Variants in LIMS2 observed in about 807,000 individuals in gnomAD.
LIMS2 encodes the protein LIM and senescent cell antigen-like-containing domain protein 2.
A neutral mutation model predicts 45.3 loss-of-function variants in LIMS2; 30 were observed. The ratio of observed to expected loss-of-function variants is 0.66; its 90% CI spans 0.50 to 0.90. The LOEUF (loss-of-function observed/expected upper bound fraction) is 0.90. LIMS2 is among the 40% of genes least tolerant of loss of function. LIMS2 has a pLI of 0.00. For synonymous variants in LIMS2, 173 were observed against 188.0 expected (o/e 0.92, Z 0.65); for missense variants, 485 against 468.7 (o/e 1.03, Z -0.32).
chr2:127,652,569 A>G (rs895185382), intron 4 of LIMS2: 1 of 166,736 alleles, frequency 6.0e-6, no homozygotes, highest in Non-Finnish European at 1.5e-5. Context: ...TAGTGTGCAG[A>G]TATTTCCCTA....
Position 127,664,515 on chromosome 2 carries a change from T to TC in LIMS2, c.12-6954dup. 1 of 1,152,392 alleles carries TC rather than the reference T, an allele frequency of 8.7e-7. No homozygotes were observed. Among genetic ancestry groups the TC allele is most frequent in the Non-Finnish European group, 1.1e-6 (1 of 937,508 alleles). The allele number at this position is 1,152,392 out of a possible 1,614,324, so 71.4% of individuals were successfully genotyped here. A position where few individuals can be genotyped will look rare whatever the true frequency, so the allele number is the denominator to read the frequency against. The stretch of plus-strand genomic sequence containing the variant: ...AAGACGGGACGGGCGTGTGGGCGCC[T>TC]CCCCCGCGCTGGTCGCGAGCTCACG... On this transcript the variant is annotated intron_variant, in intron 1 of 9. Coordinates refer to ENST00000355119, the MANE Select transcript of LIMS2 (RefSeq NM_001161403.3). This position sits in a 1 kb window ranked among gnomAD's most constrained non-coding sequence, Gnocchi z 5.5.
chr2:127,675,799 C>T (rs1238424894), upstream of LIMS2, among the ~76,000 whole-genome samples: 3 of 152,246 alleles, frequency 2.0e-5, no homozygotes, highest in Admixed American at 2.0e-4. Flanking sequence ...GCCGAGTCCA[C>T]GCAGTCCCGC....
At chr2:127,645,316 T>G (rs1466835675) in intron 4 of LIMS2, among the ~76,000 whole-genome samples, 1 of 152,198 alleles carries the variant, frequency 6.6e-6, no homozygotes, top group Non-Finnish European at 1.5e-5. Context: ...AACAACAAAA[T>G]GTAAAGTCTT....
intron 4 of LIMS2, among the ~76,000 whole-genome samples, chr2:127,649,516 T>C (rs1327265107): frequency 6.6e-6 from 1 of 152,180 alleles, no homozygotes; most frequent in African/African-American, 2.4e-5. Context: ...TGACCCCAAT[T>C]CAAAGGCAGG....
intron 1 of LIMS2, among the ~76,000 whole-genome samples, chr2:127,668,049 A>G (rs1685093360): frequency 6.6e-6 from 1 of 152,262 alleles, no homozygotes; most frequent in Non-Finnish European, 1.5e-5. Context: ...TCTGAATATG[A>G]AATAAAACAA....
intron 1 of LIMS2, among the ~76,000 whole-genome samples, chr2:127,673,135 G>A (rs72846208): frequency 0.077 from 11,731 of 152,196 alleles, 509 homozygotes; most frequent in Middle Eastern, 0.14. Context: ...CCAGCACTGC[G>A]GGCAGCAGGG....
chr2:127,674,959 C>T, intron 1 of LIMS2, 55 bp downstream of exon 1: 1 of 1,226,936 alleles, frequency 8.2e-7, no homozygotes. Context: ...GCGCCTCGGC[C>T]AGGGGTCCCG....
At chr2:127,680,425 C>T (rs1244768621), upstream of LIMS2, among the ~76,000 whole-genome samples, 1 of 152,156 alleles carries the variant, frequency 6.6e-6, no homozygotes, top group Non-Finnish European at 1.5e-5. Context: ...TGCACTCTAG[C>T]CTGGGCAGCA....
intron 9 of LIMS2, among the ~76,000 whole-genome samples, chr2:127,639,815 C>G (rs1682221055): frequency 6.6e-6 from 1 of 152,198 alleles, no homozygotes; most frequent in African/African-American, 2.4e-5. Context: ...CCCCAGAGCC[C>G]AGGGTTCTGG....
chr2:127,673,210 G>A (rs1685349278), intron 1 of LIMS2, among the ~76,000 whole-genome samples: 1 of 152,214 alleles, frequency 6.6e-6, no homozygotes, highest in African/African-American at 2.4e-5. Context: ...CAAACTCCAG[G>A]AGAAAGGACT....
At chr2:127,649,989 C>A in intron 4 of LIMS2, 1 of 1,597,806 alleles carries the variant, frequency 6.3e-7, no homozygotes, top group Non-Finnish European at 8.6e-7. Context: ...TTCTCCTAAA[C>A]ACAGGTCTCC....
At chr2:127,661,776 C>T (rs762773776) in intron 1 of LIMS2, among the ~76,000 whole-genome samples, 1 of 152,188 alleles carries the variant, frequency 6.6e-6, no homozygotes, top group Non-Finnish European at 1.5e-5. Flanking sequence ...ATCAGAGGAG[C>T]CTGCTCTGTT....
rs760065360 is a variant in LIMS2 at position 127,654,421 on chromosome 2, C to T, written c.359+3G>A. On this transcript the variant is annotated splice_donor_region_variant and intron_variant, in intron 4 of 9. Coordinates refer to ENST00000355119, the MANE Select transcript of LIMS2 (RefSeq NM_001161403.3). ...CCTCTCTGGCCCAACACGGCCACCTCACCTGCCGGCATTCTTCACAAAGCC... is the reference window on the plus strand; with the variant it reads ...CCTCTCTGGCCCAACACGGCCACCTTACCTGCCGGCATTCTTCACAAAGCC... 3.1e-6 allele frequency: 5 copies of T among 1,613,974 alleles called. No homozygotes were observed. In the South Asian group the frequency reaches 5.5e-5, roughly 18 times the overall value.
chr2:127,640,327 C>G lies in LIMS2; in HGVS notation c.754-9G>C, dbSNP rs758844230. 1.9e-6 allele frequency: 3 copies of G among 1,612,276 alleles called. No individual in the cohort carries two copies. The highest frequency in any genetic ancestry group is 2.2e-5 in the South Asian group (2 of 90,944). ...CAGACGTCCCCGAAGAGCTGTGGGC[C>G]GAGCAGGCTGTCAGAGTAGCTGCAG... On this transcript the variant is annotated splice_polypyrimidine_tract_variant and intron_variant, in intron 7 of 9. Coordinates refer to ENST00000355119, the MANE Select transcript of LIMS2 (RefSeq NM_001161403.3).
In LIMS2 at chr2:127,664,353, C is replaced by G; in HGVS notation, c.12-6791G>C. On this transcript the variant is annotated intron_variant, in intron 1 of 9. Coordinates refer to ENST00000355119, the MANE Select transcript of LIMS2 (RefSeq NM_001161403.3). This position sits in a 1 kb window ranked among gnomAD's most constrained non-coding sequence, Gnocchi z 5.5. ...GCCGGTGCTGGCGCCGCCGGTACAG[C>G]CCCGACGCGGCCAGCGCACCCAGCC... 8.2e-7 allele frequency: 1 copy of G among 1,220,190 alleles called. No individual in the cohort carries two copies. Among genetic ancestry groups the G allele is most frequent in the Non-Finnish European group, 1.0e-6 (1 of 980,662 alleles). 75.6% of individuals were successfully genotyped at this position (1,220,190 alleles called of 1,614,324 possible).
intron 3 of LIMS2, 98 bp downstream of exon 3, chr2:127,654,732 G>A (rs1307705713): frequency 1.4e-6 from 2 of 1,480,508 alleles, no homozygotes; most frequent in East Asian, 2.3e-5. Flanking sequence ...AGTTAGGAAA[G>A]AGCTGGGCCA....
chr2:127,650,154 G>A, intron 4 of LIMS2: 1 of 1,320,904 alleles, frequency 7.6e-7, no homozygotes, highest in Non-Finnish European at 1.1e-6. Context: ...CTAAGTGCCA[G>A]GGGCAAGCCA....
At chr2:127,641,846 T>C (rs1682439733) in intron 6 of LIMS2, 1 of 543,952 alleles carries the variant, frequency 1.8e-6, no homozygotes, top group South Asian at 2.6e-5. Flanking sequence ...ACCGTGTGTG[T>C]GCACTCGGGT....
In LIMS2 at chr2:127,642,083, A is replaced by ACTCGGCC; in HGVS notation, c.619_625dup (p.Val209GlyfsTer22). The ACTCGGCC allele has an allele frequency of 6.8e-6, 11 of 1,610,378 alleles. No individual in the cohort carries two copies. The highest frequency in any genetic ancestry group is 9.3e-6 in the Non-Finnish European group (11 of 1,178,622). ...CCACTGCTTGCCCAGCGCGTTGACC[A>ACTCGGCC]CTCGGCCCTCGATGGGCCGGCGGCA... On this transcript the variant is annotated frameshift_variant, in exon 6 of 10. Transcript: ENST00000355119. LOFTEE classifies it high-confidence loss of function. This position sits in a 1 kb window ranked among gnomAD's most constrained non-coding sequence, Gnocchi z 5.3.
Sources: gnomAD v4.1 joint callset for allele counts (sites outside exome capture counted in the v4.1 genomes callset) on GRCh38, gnomAD v4.1.1 for gene constraint, Gnocchi (gnomAD v3.1) non-coding constraint, MANE v1.5 for transcripts, NCBI Gene and HGNC (gene_info 2026-07-23, HGNC 2026-07-21) for gene names.